MTUS2: variants seen among roughly 807,000 people sequenced by gnomAD.
MTUS2 encodes microtubule-associated tumor suppressor candidate 2.
In MTUS2, 40 loss-of-function variants were observed where a neutral mutation model predicts 114.1. The observed-to-expected ratio is 0.35, with a 90% confidence interval of 0.27 to 0.46. The LOEUF is 0.46. Among genes scored for constraint, MTUS2 ranks in the 20% least tolerant of loss-of-function variants. MTUS2 has a pLI of 1.00. For missense variants in MTUS2, 1,679 were observed against 1,705.4 expected, an observed-to-expected ratio of 0.98 and a Z score of 0.27; for synonymous variants, 688 against 672.0, an observed-to-expected ratio of 1.02 and a Z score of -0.37.
chr13:29,323,226 G>A (rs376287470), intron 6 of MTUS2, among the ~76,000 whole-genome samples: 1 of 151,408 alleles, frequency 6.6e-6, no homozygotes, highest in Non-Finnish European at 1.5e-5. Flanking sequence ...CTGAATTACA[G>A]TATGTCTTTG....
intron 2 of MTUS2, among the ~76,000 whole-genome samples, chr13:28,991,825 A>AG (rs1884871408): frequency 6.6e-6 from 1 of 152,154 alleles, no homozygotes; most frequent in South Asian, 2.1e-4. Flanking sequence ...CAGGTAGTAG[A>AG]GACATCCCTC....
At chr13:29,286,660 G>GTCTATCTATCTA (rs1162402312) in intron 6 of MTUS2, among the ~76,000 whole-genome samples, 19 of 90,032 alleles carry the variant, frequency 2.1e-4, no homozygotes, top group African/African-American at 8.8e-4. Context: ...CTGTCTGTCT[G>GTCTATCTATCTA]TCTGTCTGTC....
chr13:29,207,656 C>T (rs960990543), intron 5 of MTUS2, among the ~76,000 whole-genome samples: 3 of 152,054 alleles, frequency 2.0e-5, no homozygotes, highest in South Asian at 4.1e-4. Context: ...TTGTCAAATG[C>T]TTTTTCTGTG....
At chr13:29,291,687 G>T (rs981772299) in intron 6 of MTUS2, among the ~76,000 whole-genome samples, 3 of 152,130 alleles carry the variant, frequency 2.0e-5, no homozygotes, top group Non-Finnish European at 2.9e-5. Context: ...AATATGTCTT[G>T]TCCTTCTTTT....
intron 5 of MTUS2, among the ~76,000 whole-genome samples, chr13:29,103,133 A>G (rs1890493973): frequency 6.6e-6 from 1 of 152,196 alleles, no homozygotes; most frequent in African/African-American, 2.4e-5. Context: ...ATACTGCTGT[A>G]ATTAGGGATT....
chr13:28,831,931 T>A (rs1003238807), intron 1 of MTUS2, among the ~76,000 whole-genome samples: 2 of 147,942 alleles, frequency 1.4e-5, no homozygotes, highest in Non-Finnish European at 3.0e-5. Context: ...TATTTTTTTG[T>A]ATTTTTTTTT....
intron 8 of MTUS2, among the ~76,000 whole-genome samples, chr13:29,434,741 A>C (rs1044463883): frequency 4.6e-5 from 7 of 152,216 alleles, no homozygotes; most frequent in African/African-American, 1.7e-4. Context: ...ATCAGAAGAG[A>C]TAACGCCCAT....
intron 5 of MTUS2, among the ~76,000 whole-genome samples, chr13:29,264,583 T>C (rs1270416324): frequency 6.6e-6 from 1 of 152,232 alleles, no homozygotes; most frequent in East Asian, 1.9e-4. Flanking sequence ...ATGCATCCTC[T>C]GAAACCTAGG....
Position 29,166,340 on chromosome 13 carries a change from G to T in MTUS2, c.2644+65370G>T, listed in dbSNP as rs73445182. The stretch of plus-strand genomic sequence containing the variant: ...GACAGAAGGTTGGAGTAGAATTCCA[G>T]ATATGAACCCTCTGACCAAAAGAAC... On this transcript the variant is annotated intron_variant, in intron 5 of 15. Coordinates refer to ENST00000612955, the MANE Select transcript of MTUS2 (RefSeq NM_001033602.4). Among the ~76,000 whole-genome samples the T allele has an allele frequency of 1.1e-3, 165 of 152,296 alleles. 1 individual carries two copies. Among genetic ancestry groups the T allele is most frequent in the African/African-American group, 3.5e-3 (146 of 41,552 alleles).
chr13:28,998,216 T>G (rs534505402), intron 2 of MTUS2, among the ~76,000 whole-genome samples: 219 of 152,266 alleles, frequency 1.4e-3, no homozygotes, highest in African/African-American at 5.1e-3. Context: ...TTGAATATTG[T>G]CCCCCACTCT....
intron 4 of MTUS2, among the ~76,000 whole-genome samples, chr13:29,047,506 T>G (rs1012275127): frequency 4.1e-5 from 6 of 145,848 alleles, no homozygotes; most frequent in Non-Finnish European, 1.5e-5. Flanking sequence ...TACCATAAAA[T>G]TTACTCTTTT....
At chr13:29,330,134 G>A (rs539677487) in intron 7 of MTUS2, among the ~76,000 whole-genome samples, 8 of 152,076 alleles carry the variant, frequency 5.3e-5, no homozygotes, top group African/African-American at 1.7e-4. Context: ...TTTAATGATC[G>A]CCATTCTAAC....
intron 2 of MTUS2, among the ~76,000 whole-genome samples, chr13:28,884,976 G>GTA (rs1402143093): frequency 6.6e-6 from 1 of 152,072 alleles, no homozygotes; most frequent in East Asian, 1.9e-4. Context: ...GTGTGTGTGT[G>GTA]TATAAAAATT....
chr13:29,161,887 A>C (rs1184706089), intron 5 of MTUS2, among the ~76,000 whole-genome samples: 11 of 152,114 alleles, frequency 7.2e-5, no homozygotes, highest in Admixed American at 7.2e-4. Flanking sequence ...TCAGTGGCTG[A>C]TCCTCTGCCC....
rs187192324 is a variant in MTUS2, at chr13:28,845,702, C to T, written c.-243+5852C>T. Among the ~76,000 whole-genome samples the T allele has an allele frequency of 1.7e-3, 255 of 150,734 alleles. 2 individuals are homozygous for T. The highest frequency in any genetic ancestry group is 5.8e-3 in the African/African-American group (237 of 40,878). ...TAGACAACTTGCTATACATGTTGCT[C>T]AGAATAAGAGGGTACGTAAGTCATC... On this transcript the variant is annotated intron_variant, in intron 2 of 15. Transcript: ENST00000612955.
At position 29,484,571 on chromosome 13, in the gene MTUS2, G is replaced by A. The variant is rs1212974223; in HGVS notation, c.3400-3329G>A. On this transcript the variant is annotated intron_variant, in intron 10 of 15. Transcript: ENST00000612955. The stretch of plus-strand genomic sequence containing the variant: ...AGCTCTGGCATGGCTCTGAGCCGGT[G>A]TCCAGGATACTGTAAGCCTGGACCA... Among the ~76,000 whole-genome samples the A allele has an allele frequency of 8.5e-5, 13 of 152,334 alleles. No homozygotes were observed. In the East Asian group the frequency reaches 2.5e-3, roughly 30 times the overall value.
intron 2 of MTUS2, among the ~76,000 whole-genome samples, chr13:28,946,180 TAACTAGCATGTAGAAGGCC>T (rs1882515632): frequency 6.6e-6 from 1 of 152,174 alleles, no homozygotes; most frequent in South Asian, 2.1e-4. Context: ...AAGCTAGAAG[TAACTAGCATGTAGAAGGCC>T]CTTTAAATTC....
chr13:29,084,159 A>G (rs922423978), intron 4 of MTUS2, among the ~76,000 whole-genome samples: 1 of 152,146 alleles, frequency 6.6e-6, no homozygotes, highest in Non-Finnish European at 1.5e-5. Context: ...GGTGCATTCA[A>G]ATTGTGTTAA....
At chr13:29,144,998 T>C (rs1263764659) in intron 5 of MTUS2, among the ~76,000 whole-genome samples, 1 of 152,196 alleles carries the variant, frequency 6.6e-6, no homozygotes, top group Non-Finnish European at 1.5e-5. Context: ...CATCCATTTC[T>C]CTTGGTACTT....
Sources: gnomAD v4.1 joint callset for allele counts (sites outside exome capture counted in the v4.1 genomes callset) on GRCh38, gnomAD v4.1.1 for gene constraint, MANE v1.5 for transcripts, NCBI Gene and HGNC (gene_info 2026-07-23, HGNC 2026-07-21) for gene names.